Variants in MPPED2 observed in about 807,000 individuals in gnomAD.
The protein encoded by MPPED2 is metallophosphoesterase domain containing 2, also known as metallophosphoesterase MPPED2.
A neutral mutation model predicts 33.0 loss-of-function variants in MPPED2; 5 were observed. That is an observed-to-expected ratio of 0.15 (90% CI 0.08 to 0.32). MPPED2 has a LOEUF of 0.32. Among genes scored for constraint, MPPED2 ranks in the 10% least tolerant of loss-of-function variants. MPPED2 has a pLI of 1.00. For synonymous variants in MPPED2, 136 were observed against 141.9 expected (o/e 0.96, Z 0.29); for missense variants, 275 against 372.1 (o/e 0.74, Z 2.15).
intron 4 of MPPED2, among the ~76,000 whole-genome samples, chr11:30,420,971 G>C (rs751004887): frequency 2.0e-5 from 3 of 152,124 alleles, no homozygotes; most frequent in African/African-American, 4.8e-5. Context: ...TTTGGACAAA[G>C]AGAGACAGAG....
rs577605751 is a variant in MPPED2, at chr11:30,559,822, C to G, written c.128+20424G>C. On this transcript the variant is annotated intron_variant, in intron 2 of 6. Coordinates refer to ENST00000358117, the MANE Select transcript of MPPED2 (RefSeq NM_001584.3). Reference sequence around the variant, plus strand: ...TTGGTATATCATTATGACTGGCATGCCTTTTCTTTTTGAAAATAGTCTTCA... The same window carrying G: ...TTGGTATATCATTATGACTGGCATGGCTTTTCTTTTTGAAAATAGTCTTCA... Among the ~76,000 whole-genome samples the G allele has an allele frequency of 3.3e-5, 5 of 152,284 alleles. No individual in the cohort carries two copies. In the South Asian group the frequency reaches 1.0e-3, roughly 32 times the overall value.
chr11:30,483,088 C>T (rs970578053), intron 4 of MPPED2, among the ~76,000 whole-genome samples: 3 of 152,130 alleles, frequency 2.0e-5, no homozygotes, highest in African/African-American at 4.8e-5. Context: ...CTATGAAAGC[C>T]GGCAACCACA....
At chr11:30,457,535 G>C (rs377203615) in intron 4 of MPPED2, among the ~76,000 whole-genome samples, 3 of 152,284 alleles carry the variant, frequency 2.0e-5, no homozygotes, top group South Asian at 4.1e-4. Context: ...AGTAAAGAAA[G>C]ATCCATGAGC....
rs940190119 is a variant in MPPED2, at chr11:30,462,245, T to A, written c.536+33051A>T. The stretch of plus-strand genomic sequence containing the variant: ...AGGGAGTAATCAAAGATAGAAGCAT[T>A]CCTTTAACCTAACAATACACTGAAA... On this transcript the variant is annotated intron_variant, in intron 4 of 6. Transcript: ENST00000358117. Among the ~76,000 whole-genome samples the A allele has an allele frequency of 7.2e-5, 11 of 152,236 alleles. No homozygotes were observed. The East Asian group carries it at 1.9e-3, about 27-fold the overall frequency.
intron 4 of MPPED2, among the ~76,000 whole-genome samples, chr11:30,420,663 G>A (rs981739114): frequency 6.6e-6 from 1 of 152,158 alleles, no homozygotes; most frequent in South Asian, 2.1e-4. Flanking sequence ...AGAGGAGAAG[G>A]TAGTGCTCTC....
chr11:30,436,359 T>C (rs760321342), intron 4 of MPPED2, among the ~76,000 whole-genome samples: 20 of 152,172 alleles, frequency 1.3e-4, no homozygotes, highest in Non-Finnish European at 7.3e-5. Context: ...GTTCTGTGGC[T>C]ATAGGATGGA....
At chr11:30,386,614 T>C in exon 7 of MPPED2, 1 of 397,812 alleles carries the variant, frequency 2.5e-6, no homozygotes, top group Non-Finnish European at 4.4e-6. Flanking sequence ...TCCCAGCACC[T>C]AGAACAGTGT....
chr11:30,451,766 G>T (rs1282733408), intron 4 of MPPED2: 2 of 984,966 alleles, frequency 2.0e-6, no homozygotes, highest in Middle Eastern at 5.2e-4. Flanking sequence ...GCAATTTGAG[G>T]GGTGGGAGGG....
At chr11:30,504,518 C>T (rs1952723992) in intron 3 of MPPED2, among the ~76,000 whole-genome samples, 1 of 152,138 alleles carries the variant, frequency 6.6e-6, no homozygotes, top group Non-Finnish European at 1.5e-5. Flanking sequence ...CTTTTTGCTG[C>T]TGTACCCCTG....
chr11:30,402,798 A>C, intron 6 of MPPED2, among the ~76,000 whole-genome samples: 1 of 152,324 alleles, frequency 6.6e-6, no homozygotes, highest in South Asian at 2.1e-4. Flanking sequence ...AAAATGACCT[A>C]TTAAATAAAA....
At chr11:30,545,213 G>A (rs866560266) in intron 2 of MPPED2, among the ~76,000 whole-genome samples, 1 of 152,280 alleles carries the variant, frequency 6.6e-6, no homozygotes, top group Middle Eastern at 3.4e-3. Flanking sequence ...GAAAAGTGGG[G>A]TTGCTCCCTA....
intron 6 of MPPED2, among the ~76,000 whole-genome samples, chr11:30,399,856 T>G (rs1393516781): frequency 6.6e-6 from 1 of 152,162 alleles, no homozygotes; most frequent in Non-Finnish European, 1.5e-5. Flanking sequence ...CTTTTTAACA[T>G]GTTTGTATCC....
chr11:30,583,134 C>CTTTTTTTTTTTTT lies in MPPED2; in HGVS notation c.-121-2653_-121-2641dup, dbSNP rs199611856. 1.3e-3 allele frequency among the ~76,000 whole-genome samples: 126 copies of CTTTTTTTTTTTTT among 96,664 alleles called. 19 individuals are homozygous for CTTTTTTTTTTTTT. The highest frequency in any genetic ancestry group is 5.8e-3 in the African/African-American group (119 of 20,674). The allele number at this position is 96,664 out of a possible 152,430, so 63.4% of individuals were successfully genotyped here. ...CACAAACACCTGGAAAAGACTTTTT[C>CTTTTTTTTTTTTT]TTTTTTTTTTTTTTTTTTTTTTTTT... On this transcript the variant is annotated intron_variant, in intron 1 of 6. Transcript: ENST00000358117.
At chr11:30,475,155 C>T (rs1186611354) in intron 4 of MPPED2, among the ~76,000 whole-genome samples, 2 of 152,144 alleles carry the variant, frequency 1.3e-5, no homozygotes, top group Non-Finnish European at 2.9e-5. Context: ...ACAGAAGTGA[C>T]TGATATAAAT....
chr11:30,494,557 G>T (rs933532174), intron 4 of MPPED2, among the ~76,000 whole-genome samples: 1 of 151,886 alleles, frequency 6.6e-6, no homozygotes, highest in African/African-American at 2.4e-5. Flanking sequence ...GGCCAACATG[G>T]TGAAACCCCG....
At chr11:30,470,260 C>A (rs776160628) in intron 4 of MPPED2, among the ~76,000 whole-genome samples, 4 of 152,108 alleles carry the variant, frequency 2.6e-5, no homozygotes, top group Non-Finnish European at 5.9e-5. Flanking sequence ...CCAGTATGGT[C>A]AGTCAAGCAA....
At chr11:30,533,504 T>G (rs79970761) in intron 3 of MPPED2, among the ~76,000 whole-genome samples, 3,189 of 152,160 alleles carry the variant, frequency 0.021, 110 homozygotes, top group African/African-American at 0.072. Flanking sequence ...AACCCTAGAT[T>G]GATCTGACCT....
chr11:30,573,450 A>C (rs1238229908), intron 2 of MPPED2, among the ~76,000 whole-genome samples: 1 of 152,224 alleles, frequency 6.6e-6, no homozygotes, highest in Non-Finnish European at 1.5e-5. Flanking sequence ...AAACAAAAAC[A>C]AAGTTAACTA....
chr11:30,576,882 A>G (rs1173785330), intron 2 of MPPED2, among the ~76,000 whole-genome samples: 2 of 149,516 alleles, frequency 1.3e-5, no homozygotes, highest in African/African-American at 2.5e-5. Flanking sequence ...TTGCTTTCTA[A>G]AAAAAAAAAA....
Sources: gnomAD v4.1 joint callset for allele counts (sites outside exome capture counted in the v4.1 genomes callset) on GRCh38, gnomAD v4.1.1 for gene constraint, MANE v1.5 for transcripts, NCBI Gene and HGNC (gene_info 2026-07-23, HGNC 2026-07-21) for gene names.